ACTN1: variants seen among roughly 807,000 people sequenced by gnomAD.
ACTN1 encodes actinin alpha 1.
Under a neutral mutation model 119.6 loss-of-function variants are expected in ACTN1, and 30 were observed. The ratio of observed to expected loss-of-function variants is 0.25; its 90% CI spans 0.19 to 0.34. The LOEUF is 0.34. Among genes scored for constraint, ACTN1 ranks in the 10% least tolerant of loss-of-function variants. The pLI is 1.00. For missense variants in ACTN1, 764 were observed against 1,223.4 expected (o/e 0.62, Z 5.60); for synonymous variants, 429 against 472.6 (o/e 0.91, Z 1.20).
intron 11 of ACTN1, chr14:68,886,275 C>T (rs899730833): frequency 9.9e-5 from 15 of 152,236 alleles, no homozygotes; most frequent in Non-Finnish European, 1.8e-4. Context: ...TGCTGGTATG[C>T]TCGGCCCATC....
chr14:68,974,411 A>C (rs1187360203), intron 1 of ACTN1: 1 of 152,262 alleles, frequency 6.6e-6, no homozygotes, highest in Non-Finnish European at 1.5e-5. Context: ...ATCTCTATAA[A>C]ACATAAATTT....
At chr14:68,918,167 C>A (rs1000345082) in intron 3 of ACTN1, among the ~76,000 whole-genome samples, 1 of 152,056 alleles carries the variant, frequency 6.6e-6, no homozygotes, top group South Asian at 2.1e-4. Flanking sequence ...GAATGACCTT[C>A]CCAGCACAGC....
chr14:68,878,563 G>T lies in ACTN1; in HGVS notation c.2362-40C>A, dbSNP rs771054838. The T allele has an allele frequency of 1.2e-6, 2 of 1,612,492 alleles. No individual in the cohort carries two copies. The highest frequency in any genetic ancestry group is 3.3e-5 in the Admixed American group (2 of 59,830). On this transcript the variant is annotated intron_variant, in intron 19 of 21. Transcript: ENST00000394419. This position sits in a 1 kb window ranked among gnomAD's most constrained non-coding sequence, Gnocchi z 4.4. ...GGTACCAAGACACAAGGAGGGTCGG[G>T]AAGGCAGGAAGAGGAAGGGCCGGCC...
intron 21 of ACTN1, 120 bp from the exon 22 acceptor site, chr14:68,875,137 C>T: frequency 6.5e-7 from 1 of 1,543,548 alleles, no homozygotes; most frequent in African/African-American, 1.4e-5. Context: ...ATTTTGCCTC[C>T]CTCCTGTAAC....
chr14:68,949,004 C>T (rs1022421053), intron 1 of ACTN1, among the ~76,000 whole-genome samples: 3 of 152,168 alleles, frequency 2.0e-5, no homozygotes, highest in East Asian at 3.8e-4. Flanking sequence ...TGCTCTGGGG[C>T]CCAACTTGGT....
rs1295292896 is a variant in ACTN1, at chr14:68,894,182, T to A, written c.763-435A>T. On this transcript the variant is annotated intron_variant, in intron 8 of 21. Coordinates refer to ENST00000394419, the MANE Select transcript of ACTN1 (RefSeq NM_001130004.2). ...TCCAGGGTCTTGGAGATGTGGGAAT[T>A]CAAATCCGGGAGTCCTGGGATAAAG... 5.9e-5 allele frequency among the ~76,000 whole-genome samples: 9 copies of A among 152,232 alleles called. 1 individual carries two copies. The highest frequency in any genetic ancestry group is 3.4e-3 in the Middle Eastern group (1 of 294).
chr14:68,978,919 T>C lies in ACTN1; in HGVS notation c.105+33A>G, dbSNP rs573346528. The C allele has an allele frequency of 2.0e-4, 295 of 1,441,526 alleles. 3 individuals are homozygous for C. The South Asian group carries it at 3.4e-3, about 17-fold the overall frequency. The allele number at this position is 1,441,526 out of a possible 1,614,324, so 89.3% of individuals were successfully genotyped here. A position where few individuals can be genotyped will look rare whatever the true frequency, so the allele number is the denominator to read the frequency against. ...CGGGTCGGGGCTGGGGGCTGGGGGC[T>C]GGGGGCTGCAGCGGGCGGGGGCGGC... On this transcript the variant is annotated intron_variant, in intron 1 of 21. Transcript: ENST00000394419.
intron 12 of ACTN1, 62 bp from the exon 13 acceptor site, chr14:68,884,945 C>G (rs564304488): frequency 7.3e-7 from 1 of 1,377,430 alleles, no homozygotes; most frequent in African/African-American, 1.4e-5. Flanking sequence ...CCATCTCCCT[C>G]TCTCTGAGGC....
intron 20 of ACTN1, chr14:68,877,939 C>G (rs1253720898): frequency 6.2e-6 from 1 of 160,558 alleles, no homozygotes; most frequent in Non-Finnish European, 1.4e-5. Context: ...GGGCTCTGCA[C>G]TTGGCACCAT....
chr14:68,928,453 A>G (rs963511639), intron 1 of ACTN1, among the ~76,000 whole-genome samples: 1 of 152,116 alleles, frequency 6.6e-6, no homozygotes, highest in Non-Finnish European at 1.5e-5. Flanking sequence ...CAGCCACCGC[A>G]AAGTTTAGGC....
In ACTN1 at chr14:68,922,285, G is replaced by A. The variant is rs182025556; in HGVS notation, c.221-1160C>T. On this transcript the variant is annotated intron_variant, in intron 2 of 21. Coordinates refer to ENST00000394419, the MANE Select transcript of ACTN1 (RefSeq NM_001130004.2). ...CTGTCAGAGCAGCACCTCTCCAGGT[G>A]GCCTCCCAGCAGCCTGCTAGCTTCT... 1.6e-4 allele frequency among the ~76,000 whole-genome samples: 25 copies of A among 152,334 alleles called. No homozygotes were observed. The East Asian group carries it at 4.8e-3, about 29-fold the overall frequency.
chr14:68,889,901 T>C (rs560447824), intron 11 of ACTN1, among the ~76,000 whole-genome samples: 51 of 152,366 alleles, frequency 3.3e-4, no homozygotes, highest in Non-Finnish European at 6.6e-4. Context: ...AGAACTTCGT[T>C]ATGTATTAAC....
intron 1 of ACTN1, among the ~76,000 whole-genome samples, chr14:68,964,811 C>T (rs1318273956): frequency 1.3e-5 from 2 of 152,144 alleles, no homozygotes; most frequent in Non-Finnish European, 2.9e-5. Flanking sequence ...CCAAGATCAC[C>T]GCCGCCACCA....
intron 1 of ACTN1, among the ~76,000 whole-genome samples, chr14:68,949,161 A>G (rs1414667328): frequency 6.6e-6 from 1 of 152,214 alleles, no homozygotes; most frequent in East Asian, 1.9e-4. Flanking sequence ...AGCCTCGGAG[A>G]GAAAAACAGC....
Position 68,874,537 on chromosome 14 carries a change from T to C in ACTN1, c.*322A>G. ...AATATAACTTTGTGCTTGGTTATTTTCCTATGTCGCAACAAAACAAGACAT... is the reference window on the plus strand; with the variant it reads ...AATATAACTTTGTGCTTGGTTATTTCCCTATGTCGCAACAAAACAAGACAT... On this transcript the variant is annotated 3_prime_UTR_variant, in exon 22 of 22. Coordinates refer to ENST00000394419, the MANE Select transcript of ACTN1 (RefSeq NM_001130004.2). The C allele has an allele frequency of 4.6e-6, 1 of 219,430 alleles. No homozygotes were observed. The highest frequency in any genetic ancestry group is 8.9e-6 in the Non-Finnish European group (1 of 112,524). The allele number at this position is 219,430 out of a possible 1,614,324, so 13.6% of individuals were successfully genotyped here. A position where few individuals can be genotyped will look rare whatever the true frequency, so the allele number is the denominator to read the frequency against.
In ACTN1 at chr14:68,881,955, T is replaced by TTTTTTGA. The variant is rs58500225; in HGVS notation, c.1953+502_1953+503insTCAAAAA. 3.4e-4 allele frequency among the ~76,000 whole-genome samples: 35 copies of TTTTTTGA among 102,976 alleles called. 3 individuals are homozygous for TTTTTTGA. Among genetic ancestry groups the TTTTTTGA allele is most frequent in the African/African-American group, 5.7e-4 (13 of 22,906 alleles). 67.6% of individuals were successfully genotyped at this position (102,976 alleles called of 152,430 possible). A position where few individuals can be genotyped will look rare whatever the true frequency, so the allele number is the denominator to read the frequency against. ...CAGCTTCTTTTTTTTTTTTTTTTTTTGACAGAGTCTTGCTCTGTTGCCCAA... is the reference window on the plus strand; with the variant it reads ...CAGCTTCTTTTTTTTTTTTTTTTTTTTTTTTGAGACAGAGTCTTGCTCTGTTGCCCAA... On this transcript the variant is annotated intron_variant, in intron 16 of 21. Coordinates refer to ENST00000394419, the MANE Select transcript of ACTN1 (RefSeq NM_001130004.2).
intron 1 of ACTN1, chr14:68,973,835 C>A (rs1594889851): frequency 6.6e-6 from 1 of 152,288 alleles, no homozygotes; most frequent in African/African-American, 2.4e-5. Flanking sequence ...GCTGACCCAT[C>A]TGCCAGAACT....
chr14:68,910,578 G>A (rs190314056), intron 4 of ACTN1, among the ~76,000 whole-genome samples: 54 of 152,320 alleles, frequency 3.5e-4, no homozygotes, highest in Admixed American at 1.3e-3. Flanking sequence ...AAGCAGCCAC[G>A]TGTCTATGAG....
At position 68,941,248 on chromosome 14, in the gene ACTN1, C is replaced by T. The variant is rs966884567; in HGVS notation, c.106-15576G>A. 1.8e-4 allele frequency among the ~76,000 whole-genome samples: 28 copies of T among 152,206 alleles called. 1 individual carries two copies. The highest frequency in any genetic ancestry group is 1.8e-3 in the Admixed American group (27 of 15,284). On this transcript the variant is annotated intron_variant, in intron 1 of 21. Transcript: ENST00000394419. ...AAAAGAACAGCAGGATAATTCAGTG[C>T]GGTGGTTCTCAAACTTGAATATGTA... is the stretch of plus-strand genomic sequence containing the variant.
Sources: gnomAD v4.1 joint callset for allele counts (sites outside exome capture counted in the v4.1 genomes callset) on GRCh38, gnomAD v4.1.1 for gene constraint, Gnocchi (gnomAD v3.1) non-coding constraint, MANE v1.5 for transcripts, NCBI Gene and HGNC (gene_info 2026-07-23, HGNC 2026-07-21) for gene names.